The following CEP164 variants were observed in gnomAD, a reference collection of about 807,000 sequenced individuals.
CEP164 encodes centrosomal protein of 164 kDa.
In CEP164, 162 loss-of-function variants were observed where a neutral mutation model predicts 182.7. That is an observed-to-expected ratio of 0.89 (90% CI 0.78 to 1.01). The LOEUF (loss-of-function observed/expected upper bound fraction) is 1.01. Among genes scored for constraint, CEP164 ranks in the 50% least tolerant of loss-of-function variants. CEP164 has a pLI of 0.00. For missense variants in CEP164, 1,735 were observed against 1,790.4 expected, an observed-to-expected ratio of 0.97 and a Z score of 0.56; for synonymous variants, 661 against 690.0, an observed-to-expected ratio of 0.96 and a Z score of 0.66.
At chr11:117,382,363 T>G (rs1180692011) in intron 13 of CEP164, among the ~76,000 whole-genome samples, 1 of 152,156 alleles carries the variant, frequency 6.6e-6, no homozygotes, top group Non-Finnish European at 1.5e-5. Context: ...GAAGCCCAGA[T>G]AACTCTGGGT....
chr11:117,409,101 G>A lies in CEP164; in HGVS notation c.3748+73G>A. The A allele has an allele frequency of 6.9e-6, 11 of 1,587,294 alleles. No individual in the cohort carries two copies. The highest frequency in any genetic ancestry group is 9.5e-6 in the Non-Finnish European group (11 of 1,163,280). ...GAGGAACTTGGGGAATAGAAGAAGAGCTCTCTTCCCTCAGCCCTGCAGAGG... is the reference window on the plus strand; with the variant it reads ...GAGGAACTTGGGGAATAGAAGAAGAACTCTCTTCCCTCAGCCCTGCAGAGG... On this transcript the variant is annotated intron_variant, in intron 29 of 32. Coordinates refer to ENST00000278935, the MANE Select transcript of CEP164 (RefSeq NM_014956.5). The surrounding 1 kb of genome is among the most constrained non-coding windows in gnomAD (Gnocchi z 4.4).
chr11:117,406,534 T>C (rs2046694692), intron 27 of CEP164, among the ~76,000 whole-genome samples: 1 of 152,186 alleles, frequency 6.6e-6, no homozygotes, highest in Non-Finnish European at 1.5e-5. Flanking sequence ...TGGTGAAGAG[T>C]ACGACTAATG....
intron 2 of CEP164, among the ~76,000 whole-genome samples, chr11:117,337,231 G>T (rs1322296785): frequency 5.3e-5 from 8 of 152,080 alleles, no homozygotes; most frequent in Admixed American, 5.2e-4. Context: ...CCTTCTTGCT[G>T]TGTCCTCAGA....
chr11:117,354,739 T>A (rs542869), intron 5 of CEP164, among the ~76,000 whole-genome samples: 30,864 of 150,904 alleles, frequency 0.2, 3,222 homozygotes, highest in Admixed American at 0.25. Context: ...TTTAATTTTT[T>A]AAATTATTAT....
chr11:117,330,379 G>T (rs925679960), intron 1 of CEP164, among the ~76,000 whole-genome samples: 1 of 152,142 alleles, frequency 6.6e-6, no homozygotes, highest in African/African-American at 2.4e-5. Flanking sequence ...ATTACTTGGC[G>T]CGGTGACTCA....
rs1478889653 is a variant in CEP164 at position 117,394,534 on chromosome 11, C to A, written c.2760+41C>A. 1 of 1,607,726 alleles carries A rather than the reference C, an allele frequency of 6.2e-7. No individual in the cohort carries two copies. The highest frequency in any genetic ancestry group is 1.3e-5 in the African/African-American group (1 of 74,790). ...CAGGGTGAGCCCACTGTGACCCCTCCATGCACAGTAGGAAGGTGCTGGGAG... is the reference window on the plus strand; with the variant it reads ...CAGGGTGAGCCCACTGTGACCCCTCAATGCACAGTAGGAAGGTGCTGGGAG... On this transcript the variant is annotated intron_variant, in intron 21 of 32. Transcript: ENST00000278935. This position sits in a 1 kb window ranked among gnomAD's most constrained non-coding sequence, Gnocchi z 4.0.
At chr11:117,384,361 A>G (rs902231759) in intron 14 of CEP164, among the ~76,000 whole-genome samples, 4 of 152,228 alleles carry the variant, frequency 2.6e-5, no homozygotes, top group African/African-American at 7.2e-5. Flanking sequence ...GATACATCCT[A>G]CAGTGAAAAC....
chr11:117,363,650 G>A (rs939916960), intron 8 of CEP164, 144 bp downstream of exon 8: 22 of 580,450 alleles, frequency 3.8e-5, no homozygotes, highest in Non-Finnish European at 6.3e-5. Flanking sequence ...TCTGGGGTTT[G>A]GGGAAGGACA....
At chr11:117,381,988 G>T in intron 13 of CEP164, 120 bp downstream of exon 13, 1 of 762,246 alleles carries the variant, frequency 1.3e-6, no homozygotes, top group Non-Finnish European at 2.0e-6. Flanking sequence ...AGGGAGTGGG[G>T]AGCTGGGGCG....
At chr11:117,346,850 A>G (rs1386937438) in intron 4 of CEP164, among the ~76,000 whole-genome samples, 2 of 152,106 alleles carry the variant, frequency 1.3e-5, no homozygotes, top group African/African-American at 4.8e-5. Context: ...GGGGACAGAG[A>G]GAACCTGTCT....
intron 27 of CEP164, among the ~76,000 whole-genome samples, chr11:117,406,355 A>G (rs1056081478): frequency 6.6e-6 from 1 of 152,186 alleles, no homozygotes; most frequent in East Asian, 1.9e-4. Context: ...CAAGAACAGT[A>G]TGGGGGAAAT....
intron 10 of CEP164, 129 bp downstream of exon 10, chr11:117,373,960 G>T (rs1027407440): frequency 5.1e-5 from 35 of 692,994 alleles, no homozygotes; most frequent in Non-Finnish European, 8.3e-5. Flanking sequence ...CTTGAGTCTT[G>T]TCTAGCTCCA....
chr11:117,352,109 G>T, intron 5 of CEP164, 121 bp downstream of exon 5: 1 of 816,734 alleles, frequency 1.2e-6, no homozygotes, highest in Admixed American at 2.8e-5. Flanking sequence ...GTAAATTCTT[G>T]ATAGTATATC....
rs199924960 is a variant in CEP164 at position 117,362,529 on chromosome 11, T to G, written c.678T>G (p.Ser226Arg). Residue 226 changes from serine (S) to arginine (R), a missense_variant, in exon 7 of 33, where the codon AGT becomes AGG. Transcript: ENST00000278935. ...EETNEEDEEE[S>R]DNQSVHSSSE... ...CCAATGAGGAGGATGAGGAGGAAAG[T>G]GACAACCAGGTAATGATGAAGTCCT... 26 of 1,613,260 alleles carry G rather than the reference T, an allele frequency of 1.6e-5. No individual in the cohort carries two copies. In the East Asian group the frequency reaches 5.6e-4, roughly 35 times the overall value.
intron 27 of CEP164, among the ~76,000 whole-genome samples, chr11:117,400,320 C>A (rs2045983704): frequency 6.6e-6 from 1 of 152,052 alleles, no homozygotes; most frequent in Admixed American, 6.6e-5. Context: ...ATTTCTGAGG[C>A]CTCTGTTCTG....
chr11:117,344,952 A>G (rs1364922806), intron 4 of CEP164, among the ~76,000 whole-genome samples: 3 of 152,144 alleles, frequency 2.0e-5, no homozygotes, highest in African/African-American at 7.2e-5. Context: ...AAGTAAATAA[A>G]TAAAACTACT....
At chr11:117,371,016 A>G (rs1284376408) in intron 8 of CEP164, 64 bp from the exon 9 acceptor site, 1 of 1,486,922 alleles carries the variant, frequency 6.7e-7, no homozygotes. Context: ...ATCTTGTAGC[A>G]TGTCTCAACT....
rs147275668 is a variant in CEP164 at position 117,393,181 on chromosome 11, GCACATGCACACA to G, written c.2616+77_2616+88del. On this transcript the variant is annotated intron_variant, in intron 20 of 32. Coordinates refer to ENST00000278935, the MANE Select transcript of CEP164 (RefSeq NM_014956.5). ...CACACACATGCACACACACATGCAC[GCACATGCACACA>G]CACATGCACACACACATGCACGCAC... 1,556 of 1,584,562 alleles carry G rather than the reference GCACATGCACACA, an allele frequency of 9.8e-4. 7 individuals are homozygous for G. The African/African-American group carries it at 0.015, about 15-fold the overall frequency.
intron 23 of CEP164, 98 bp from the exon 24 acceptor site, chr11:117,395,449 C>G: frequency 7.5e-7 from 1 of 1,334,192 alleles, no homozygotes; most frequent in African/African-American, 1.5e-5. Context: ...TCATTCCCAG[C>G]CTGTCCTCCT....
Sources: allele counts gnomAD v4.1 joint callset (sites outside exome capture counted in the v4.1 genomes callset), GRCh38; gene constraint gnomAD v4.1.1; non-coding constraint Gnocchi (gnomAD v3.1); transcripts MANE v1.5; gene names NCBI Gene and HGNC (gene_info 2026-07-23, HGNC 2026-07-21).